The following TNKS2 variants were observed in gnomAD, a reference collection of about 807,000 sequenced individuals.
The protein encoded by TNKS2 is poly [ADP-ribose] polymerase tankyrase-2.
TNKS2 carries 72 observed loss-of-function variants against 137.6 expected under a neutral mutation model. That is an observed-to-expected ratio of 0.52 (90% confidence interval 0.43 to 0.64). The LOEUF is 0.64. Among genes scored for constraint, TNKS2 ranks in the 30% least tolerant of loss-of-function variants. The pLI, the probability that TNKS2 is intolerant of heterozygous loss-of-function variation, is 0.00. For synonymous variants in TNKS2, 516 were observed against 512.1 expected, an observed-to-expected ratio of 1.01 and a Z score of -0.10; for missense variants, 1,049 against 1,410.2, an observed-to-expected ratio of 0.74 and a Z score of 4.10.
intron 13 of TNKS2, 126 bp downstream of exon 13, chr10:91,837,124 C>G (rs1316317398): frequency 2.4e-6 from 2 of 828,152 alleles, no homozygotes; most frequent in Non-Finnish European, 1.7e-6. Flanking sequence ...GTCAATAATA[C>G]AATCTTAATT....
chr10:91,841,356 G>A lies in TNKS2; in HGVS notation c.1747G>A (p.Ala583Thr). 6.2e-7 allele frequency: 1 copy of A among 1,609,516 alleles called. No individual in the cohort carries two copies. Among genetic ancestry groups the A allele is most frequent in the Non-Finnish European group, 8.5e-7 (1 of 1,177,870 alleles). ...TGCAGAACTTCTTGTTAAACATGGAGCAGTAGTTAATGTAGCTGATTTATG... is the reference window on the plus strand; with the variant it reads ...TGCAGAACTTCTTGTTAAACATGGAACAGTAGTTAATGTAGCTGATTTATG... Reference protein sequence around the residue: ...EVAELLVKHGAVVNVADLWKF... With the variant: ...EVAELLVKHGTVVNVADLWKF... The change falls in exon 15 of 27, where the codon GCA (alanine) becomes ACA (threonine). Residue 583 changes from alanine (A) to threonine (T), a missense_variant. Transcript: ENST00000371627.
At chr10:91,830,628 A>T (rs1050675676) in intron 9 of TNKS2, among the ~76,000 whole-genome samples, 12 of 152,224 alleles carry the variant, frequency 7.9e-5, no homozygotes, top group Non-Finnish European at 1.3e-4. Context: ...TTTGAAAAGG[A>T]TATTGGTCAC....
At chr10:91,807,083 AC>A (rs1844345815) in intron 1 of TNKS2, 1 of 1,443,748 alleles carries the variant, frequency 6.9e-7, no homozygotes, top group African/African-American at 1.4e-5. Flanking sequence ...TGAACAGTCC[AC>A]TTAGTTACAT....
At chr10:91,859,320 A>G in intron 24 of TNKS2, 142 bp from the exon 25 acceptor site, 2 of 570,314 alleles carry the variant, frequency 3.5e-6, no homozygotes, top group Non-Finnish European at 5.8e-6. Flanking sequence ...GCTGGCTGAC[A>G]GTTAACTTGT....
rs1489209853 is a variant in TNKS2, at chr10:91,848,517, C to T, written c.2493C>T (p.Ser831=). Residue 831 remains serine, a synonymous_variant, in exon 19 of 27, where the codon AGC becomes AGT. Coordinates refer to ENST00000371627, the MANE Select transcript of TNKS2 (RefSeq NM_025235.4). ...TADALSSGPS[S]PSSLSAASSL... is the part of the protein sequence containing the mutation. Reference sequence around the variant, plus strand: ...ATGCTCTCTCTTCAGGTCCATCTAGCCCATCAAGCCTTTCTGCAGCCAGCA... The same window carrying T: ...ATGCTCTCTCTTCAGGTCCATCTAGTCCATCAAGCCTTTCTGCAGCCAGCA... 1.2e-6 allele frequency: 2 copies of T among 1,614,148 alleles called. No individual in the cohort carries two copies. The highest frequency in any genetic ancestry group is 2.2e-5 in the East Asian group (1 of 44,866).
intron 12 of TNKS2, among the ~76,000 whole-genome samples, chr10:91,834,684 C>T (rs139515013): frequency 1.1e-4 from 17 of 152,326 alleles, no homozygotes; most frequent in African/African-American, 4.1e-4. Context: ...TTGAGAAACA[C>T]TGCTTGAACA....
At chr10:91,851,457 A>G in intron 21 of TNKS2, 121 bp downstream of exon 21, 2 of 1,165,752 alleles carry the variant, frequency 1.7e-6, no homozygotes, top group African/African-American at 3.2e-5. Context: ...ATACTAATTT[A>G]GGATTCAGGA....
At chr10:91,833,292 T>C (rs1475753185) in intron 11 of TNKS2, among the ~76,000 whole-genome samples, 6 of 152,222 alleles carry the variant, frequency 3.9e-5, no homozygotes, top group Admixed American at 3.9e-4. Flanking sequence ...ATGTACGCTT[T>C]TGTGTAAGGC....
At chr10:91,810,386 A>AC (rs2133595602) in intron 1 of TNKS2, among the ~76,000 whole-genome samples, 1 of 113,486 alleles carries the variant, frequency 8.8e-6, no homozygotes, top group African/African-American at 3.1e-5. Flanking sequence ...TCAAAAAACA[A>AC]AACAACAACA....
intron 9 of TNKS2, 151 bp from the exon 10 acceptor site, chr10:91,830,772 T>G (rs993574770): frequency 3.0e-6 from 2 of 656,116 alleles, no homozygotes; most frequent in Non-Finnish European, 5.1e-6. Flanking sequence ...TGGTAATTGT[T>G]GTAATTCAAT....
intron 12 of TNKS2, among the ~76,000 whole-genome samples, chr10:91,835,465 A>G (rs1291175885): frequency 1.3e-5 from 2 of 150,208 alleles, no homozygotes; most frequent in African/African-American, 4.9e-5. Context: ...AACTTTCTGT[A>G]TTTTTAGTAG....
At chr10:91,822,274 T>A (rs1438153609) in intron 6 of TNKS2, 22 bp from the exon 7 acceptor site, 1 of 1,593,684 alleles carries the variant, frequency 6.3e-7, no homozygotes, top group Non-Finnish European at 8.6e-7. Flanking sequence ...GAAACAGGAT[T>A]TTCCCCCCCT....
Position 91,848,410 on chromosome 10 carries a change from G to A in TNKS2, c.2386G>A (p.Ala796Thr), listed in dbSNP as rs770150879. The A allele has an allele frequency of 6.2e-7, 1 of 1,614,170 alleles. No homozygotes were observed. Among genetic ancestry groups the A allele is most frequent in the Non-Finnish European group, 8.5e-7 (1 of 1,180,012 alleles). The change falls in exon 19 of 27, where the codon GCA (alanine) becomes ACA (threonine). Residue 796 changes from alanine (A) to threonine (T), a missense_variant. Around this residue, in one of 6 missense-constraint regions of TNKS2, gnomAD observed 208 missense variants for 231.2 expected, o/e 0.90. Transcript: ENST00000371627. ...GGATGATGTCAGCGCTCTTCTGACA[G>A]CAGCCATGCCCCCATCTGCTCTGCC... Reference protein sequence around the residue: ...SADDVSALLTAAMPPSALPSC... With the variant: ...SADDVSALLTTAMPPSALPSC...
intron 3 of TNKS2, 91 bp from the exon 4 acceptor site, chr10:91,819,179 T>C: frequency 1.4e-6 from 1 of 722,352 alleles, no homozygotes; most frequent in Non-Finnish European, 2.2e-6. Flanking sequence ...TCCAAATTTA[T>C]CTACTTTATA....
At chr10:91,834,346 A>G (rs975565357) in intron 12 of TNKS2, among the ~76,000 whole-genome samples, 9 of 152,240 alleles carry the variant, frequency 5.9e-5, no homozygotes, top group Admixed American at 4.6e-4. Flanking sequence ...TTTAGATCCT[A>G]CATATTCAAG....
At chr10:91,810,568 T>C (rs949909235) in intron 1 of TNKS2, among the ~76,000 whole-genome samples, 1 of 151,712 alleles carries the variant, frequency 6.6e-6, no homozygotes, top group Non-Finnish European at 1.5e-5. Flanking sequence ...AGTGGCCCGG[T>C]CTTGGCTCAG....
At chr10:91,847,555 A>G (rs1301443303) in intron 18 of TNKS2, among the ~76,000 whole-genome samples, 1 of 135,172 alleles carries the variant, frequency 7.4e-6, no homozygotes, top group African/African-American at 2.8e-5. Flanking sequence ...TTCAGTAGAA[A>G]TGGGGTTTCA....
intron 24 of TNKS2, among the ~76,000 whole-genome samples, chr10:91,857,986 T>C (rs564577053): frequency 6.6e-6 from 1 of 152,346 alleles, no homozygotes; most frequent in South Asian, 2.1e-4. Flanking sequence ...GACTGTAGAA[T>C]TGAAACCATA....
intron 11 of TNKS2, among the ~76,000 whole-genome samples, chr10:91,832,368 A>T (rs1255102784): frequency 6.6e-6 from 1 of 152,118 alleles, no homozygotes; most frequent in Non-Finnish European, 1.5e-5. Flanking sequence ...CCAGGACTTC[A>T]CGTTTTTTGG....
Sources: gnomAD v4.1 joint callset for allele counts (sites outside exome capture counted in the v4.1 genomes callset) on GRCh38, gnomAD v4.1.1 for gene constraint, gnomAD v4.1.1 regional missense constraint, MANE v1.5 for transcripts, NCBI Gene and HGNC (gene_info 2026-07-23, HGNC 2026-07-21) for gene names.